ABLIM2: variants seen among roughly 807,000 people sequenced by gnomAD.
ABLIM2 encodes actin-binding LIM protein 2.
A neutral mutation model predicts 97.7 loss-of-function variants in ABLIM2; 53 were observed. The observed-to-expected ratio is 0.54, with a 90% CI of 0.44 to 0.68. ABLIM2 has a LOEUF of 0.68. Among genes scored for constraint, ABLIM2 ranks in the 30% least tolerant of loss-of-function variants. ABLIM2 has a pLI of 0.00. For missense variants in ABLIM2, 835 were observed against 867.2 expected, an observed-to-expected ratio of 0.96 and a Z score of 0.47; for synonymous variants, 361 against 345.8, an observed-to-expected ratio of 1.04 and a Z score of -0.49.
At chr4:8,063,087 A>C (rs1457278713) in intron 6 of ABLIM2, among the ~76,000 whole-genome samples, 1 of 152,090 alleles carries the variant, frequency 6.6e-6, no homozygotes, top group Non-Finnish European at 1.5e-5. Flanking sequence ...TTTTTTTGAG[A>C]CAGAGTCTCG....
Position 8,148,989 on chromosome 4 carries a change from C to T in ABLIM2, c.10+9691G>A, listed in dbSNP as rs921196205. On this transcript the variant is annotated intron_variant, in intron 1 of 20. Coordinates refer to ENST00000447017, the MANE Select transcript of ABLIM2 (RefSeq NM_001130083.2). The surrounding 1 kb of genome is among the most constrained non-coding windows in gnomAD (Gnocchi z 6.7). The stretch of plus-strand genomic sequence containing the variant: ...CAAGGCCCAGGGTCCCCAGACACTA[C>T]GGAGAGTCAGGCCACGCTGAGATCT... Among the ~76,000 whole-genome samples, 11 of 152,316 alleles carry T rather than the reference C, an allele frequency of 7.2e-5. No homozygotes were observed. The highest frequency in any genetic ancestry group is 1.3e-4 in the Admixed American group (2 of 15,310).
rs1760047569 is a variant in ABLIM2, at chr4:8,004,875, G to A, written c.1618+3184C>T. Among the ~76,000 whole-genome samples, 3 of 152,204 alleles carry A rather than the reference G, an allele frequency of 2.0e-5. No individual in the cohort carries two copies. Among genetic ancestry groups the A allele is most frequent in the Admixed American group, 6.5e-5 (1 of 15,282 alleles). Reference sequence around the variant, plus strand: ...AATAAAATATAGATTTCACTATGACGCCCTCTTTGGAGGGGTGGCAATGCC... The same window carrying A: ...AATAAAATATAGATTTCACTATGACACCCTCTTTGGAGGGGTGGCAATGCC... On this transcript the variant is annotated intron_variant, in intron 16 of 20. Coordinates refer to ENST00000447017, the MANE Select transcript of ABLIM2 (RefSeq NM_001130083.2). This position sits in a 1 kb window ranked among gnomAD's most constrained non-coding sequence, Gnocchi z 5.9.
intron 6 of ABLIM2, chr4:8,066,944 C>A (rs956453112): frequency 1.3e-5 from 2 of 152,202 alleles, no homozygotes; most frequent in African/African-American, 4.8e-5. Context: ...CCCAAATGGC[C>A]AACTTTTGAA....
In ABLIM2 at chr4:8,087,690, G is replaced by A. The variant is rs1477009122; in HGVS notation, c.454+479C>T. Among the ~76,000 whole-genome samples the A allele has an allele frequency of 6.6e-6, 1 of 152,096 alleles. No homozygotes were observed. The highest frequency in any genetic ancestry group is 2.4e-5 in the African/African-American group (1 of 41,410). On this transcript the variant is annotated intron_variant, in intron 4 of 20. Transcript: ENST00000447017. This position sits in a 1 kb window ranked among gnomAD's most constrained non-coding sequence, Gnocchi z 4.6. ...GCAGCAGTGGACATTAGATGGGAAA[G>A]CAGCAGTGGGCATTAGATGGGAAAG...
intron 7 of ABLIM2, among the ~76,000 whole-genome samples, chr4:8,056,527 C>T (rs1369388083): frequency 6.6e-6 from 1 of 151,920 alleles, no homozygotes; most frequent in African/African-American, 2.4e-5. Flanking sequence ...TCTCAAACTC[C>T]TGGGCTCAAG....
Position 8,070,703 on chromosome 4 carries a change from C to T in ABLIM2, c.675+6925G>A, listed in dbSNP as rs182613992. 2.6e-5 allele frequency among the ~76,000 whole-genome samples: 4 copies of T among 152,256 alleles called. No homozygotes were observed. The East Asian group carries it at 7.7e-4, about 29-fold the overall frequency. On this transcript the variant is annotated intron_variant, in intron 6 of 20. Transcript: ENST00000447017. ...TCTGTCACCTGCGTCTCTGTGAACC[C>T]AGCATCTAGCCCAGGGTGGAACACA... is the stretch of plus-strand genomic sequence containing the variant.
rs1173643086 is a variant in ABLIM2, at chr4:8,085,961, C to G, written c.454+2208G>C. ...TGATGGACAGAGCACCCAGCACACC[C>G]ACCCCTGCCAGGTACAGGGCACTCC... is the stretch of plus-strand genomic sequence containing the variant. On this transcript the variant is annotated intron_variant, in intron 4 of 20. Transcript: ENST00000447017. The surrounding 1 kb of genome is among the most constrained non-coding windows in gnomAD (Gnocchi z 6.1). 6.6e-6 allele frequency among the ~76,000 whole-genome samples: 1 copy of G among 152,200 alleles called. No individual in the cohort carries two copies. The highest frequency in any genetic ancestry group is 1.5e-5 in the Non-Finnish European group (1 of 68,034).
chr4:8,131,482 G>A (rs1341908097), intron 1 of ABLIM2, among the ~76,000 whole-genome samples: 1 of 152,194 alleles, frequency 6.6e-6, no homozygotes, highest in East Asian at 1.9e-4. Context: ...GAACTATGAT[G>A]ACTTTAGTAA....
At chr4:8,144,491 C>T (rs578161967) in intron 1 of ABLIM2, among the ~76,000 whole-genome samples, 74 of 151,838 alleles carry the variant, frequency 4.9e-4, no homozygotes, top group Non-Finnish European at 9.3e-4. Flanking sequence ...CGCTGAGCTG[C>T]GAGAAGGCTT....
intron 3 of ABLIM2, among the ~76,000 whole-genome samples, chr4:8,093,588 C>T (rs1454532189): frequency 6.6e-6 from 1 of 152,184 alleles, no homozygotes; most frequent in Non-Finnish European, 1.5e-5. Flanking sequence ...AAATCCCATA[C>T]CCTTTAGCAG....
At chr4:8,108,686 C>G (rs914240693) in intron 1 of ABLIM2, among the ~76,000 whole-genome samples, 3 of 152,236 alleles carry the variant, frequency 2.0e-5, no homozygotes, top group South Asian at 2.1e-4. Context: ...GGAGCCGCCT[C>G]CAGTCCCCCG....
chr4:8,127,965 A>G lies in ABLIM2; in HGVS notation c.11-21328T>C, dbSNP rs941386459. 3.9e-5 allele frequency among the ~76,000 whole-genome samples: 6 copies of G among 152,302 alleles called. No homozygotes were observed. The highest frequency in any genetic ancestry group is 1.4e-4 in the African/African-American group (6 of 41,564). On this transcript the variant is annotated intron_variant, in intron 1 of 20. Coordinates refer to ENST00000447017, the MANE Select transcript of ABLIM2 (RefSeq NM_001130083.2). The surrounding 1 kb of genome is among the most constrained non-coding windows in gnomAD (Gnocchi z 7.3). ...CCGCGTGCTGGGAGTGACAGCCTGC[A>G]CCAGGGTTCCCTGAAATGGGGGCTT...
chr4:8,061,816 C>T lies in ABLIM2; in HGVS notation c.676-762G>A, dbSNP rs953385995. On this transcript the variant is annotated intron_variant, in intron 6 of 20. Coordinates refer to ENST00000447017, the MANE Select transcript of ABLIM2 (RefSeq NM_001130083.2). The surrounding 1 kb of genome is among the most constrained non-coding windows in gnomAD (Gnocchi z 4.5). ...CGGGAAGAAGTTTCCTAATCCCTAC[C>T]TACATCTGAATTTATAATAACCAGT... is the stretch of plus-strand genomic sequence containing the variant. Among the ~76,000 whole-genome samples the T allele has an allele frequency of 6.6e-6, 1 of 152,168 alleles. No individual in the cohort carries two copies. The highest frequency in any genetic ancestry group is 2.4e-5 in the African/African-American group (1 of 41,434).
intron 1 of ABLIM2, among the ~76,000 whole-genome samples, chr4:8,116,696 A>T (rs10516191): frequency 0.95 from 143,894 of 152,252 alleles, 68,536 homozygotes; most frequent in East Asian, 1. Flanking sequence ...TCTTAAGCAA[A>T]ATAAGGATTG....
rs1250395520 is a variant in ABLIM2 at position 8,056,157 on chromosome 4, T to C, written c.764-1911A>G. On this transcript the variant is annotated intron_variant, in intron 7 of 20. Coordinates refer to ENST00000447017, the MANE Select transcript of ABLIM2 (RefSeq NM_001130083.2). ...AAAAAAAAGTAACAGATGTCTCTTA[T>C]TAAAAATTATAGAAACCTTAAAAAA... 2.1e-5 allele frequency among the ~76,000 whole-genome samples: 3 copies of C among 142,100 alleles called. No homozygotes were observed. The Admixed American group carries it at 2.1e-4, about 10-fold the overall frequency. The allele number at this position is 142,100 out of a possible 152,430, so 93.2% of individuals were successfully genotyped here.
At chr4:8,020,671 C>G in intron 12 of ABLIM2, 1 of 303,102 alleles carries the variant, frequency 3.3e-6, no homozygotes, top group South Asian at 4.1e-5. Context: ...AAAGGCCCCT[C>G]TTCCTAATTA....
chr4:8,144,618 GC>G (rs2152950875), intron 1 of ABLIM2, among the ~76,000 whole-genome samples: 1 of 152,344 alleles, frequency 6.6e-6, no homozygotes, highest in African/African-American at 2.4e-5. Flanking sequence ...TCCAGTGCCA[GC>G]CCAGCGGGTG....
chr4:8,007,399 A>G (rs141451130), intron 16 of ABLIM2: 138 of 985,456 alleles, frequency 1.4e-4, no homozygotes, highest in Middle Eastern at 5.2e-4. Flanking sequence ...GCCTTGCCCA[A>G]TGAAAACTGC....
In ABLIM2 at chr4:8,003,732, A is replaced by AT. The variant is rs1340687755; in HGVS notation, c.1618+4326dup. 6.6e-6 allele frequency among the ~76,000 whole-genome samples: 1 copy of AT among 151,754 alleles called. No individual in the cohort carries two copies. The highest frequency in any genetic ancestry group is 1.5e-5 in the Non-Finnish European group (1 of 67,954). ...AGGTATCCTCCACCATGCCTGGCTG[A>AT]TTTTTTGTGTTTAGTAGAGACGGGG... is the stretch of plus-strand genomic sequence containing the variant. On this transcript the variant is annotated intron_variant, in intron 16 of 20. Transcript: ENST00000447017. The surrounding 1 kb of genome is among the most constrained non-coding windows in gnomAD (Gnocchi z 4.2).
Sources: allele counts gnomAD v4.1 joint callset (sites outside exome capture counted in the v4.1 genomes callset), GRCh38; gene constraint gnomAD v4.1.1; non-coding constraint Gnocchi (gnomAD v3.1); transcripts MANE v1.5; gene names NCBI Gene and HGNC (gene_info 2026-07-23, HGNC 2026-07-21).